Variants in BMP6 observed in about 807,000 individuals in gnomAD.
BMP6 encodes bone morphogenetic protein 6.
A neutral mutation model predicts 54.1 loss-of-function variants in BMP6; 17 were observed. The ratio of observed to expected loss-of-function variants is 0.31; its 90% CI spans 0.22 to 0.47. The LOEUF (loss-of-function observed/expected upper bound fraction) is 0.47, where lower values mean the gene tolerates loss of function less well. BMP6 is among the 20% of genes least tolerant of loss of function. The probability of loss-of-function intolerance (pLI) is 1.00; values close to 1 mark genes in which losing one functional copy is unlikely to be tolerated. For missense variants in BMP6, 720 were observed against 690.4 expected (o/e 1.04, Z -0.48); for synonymous variants, 328 against 291.2 (o/e 1.13, Z -1.28).
chr6:7,826,610 A>G (rs1021262991), intron 1 of BMP6, among the ~76,000 whole-genome samples: 4 of 152,220 alleles, frequency 2.6e-5, no homozygotes, highest in Non-Finnish European at 4.4e-5. Context: ...TGGGAAAGAC[A>G]CTAATAGTCA....
At chr6:7,870,926 G>T (rs995892398) in intron 4 of BMP6, among the ~76,000 whole-genome samples, 1 of 152,210 alleles carries the variant, frequency 6.6e-6, no homozygotes, top group Non-Finnish European at 1.5e-5. Flanking sequence ...ACCGCGCCCG[G>T]CCTGTCTTGG....
At position 7,862,387 on chromosome 6, in the gene BMP6, G is replaced by T. The variant is rs1409814434; in HGVS notation, c.1093G>T (p.Val365Leu). ...GCCCTTCATGGTGGCTTTCTTCAAA[G>T]TGAGTGAGGTGCACGTGCGCACCAC... ...KQPFMVAFFK[V>L]SEVHVRTTRS... The change falls in exon 4 of 7, where the codon GTG becomes TTG. Residue 365 changes from valine to leucine, a missense_variant. Around this residue, in one of 3 missense-constraint regions of BMP6, gnomAD observed 650 missense variants for 556.3 expected, o/e 1.17. Coordinates refer to ENST00000283147, the MANE Select transcript of BMP6 (RefSeq NM_001718.6). 1 of 1,614,084 alleles carries T rather than the reference G, an allele frequency of 6.2e-7. No individual in the cohort carries two copies. Among genetic ancestry groups the T allele is most frequent in the Admixed American group, 1.7e-5 (1 of 60,004 alleles).
intron 2 of BMP6, among the ~76,000 whole-genome samples, chr6:7,850,174 G>A (rs181062911): frequency 5.9e-5 from 9 of 152,070 alleles, no homozygotes; most frequent in African/African-American, 1.9e-4. Flanking sequence ...GCAGAGTCTC[G>A]CTCTGTTGCC....
chr6:7,753,954 A>G (rs1011722108), intron 1 of BMP6, among the ~76,000 whole-genome samples: 3 of 152,190 alleles, frequency 2.0e-5, no homozygotes, highest in Admixed American at 6.5e-5. Flanking sequence ...TATGATATCA[A>G]TCATTTTTAA....
At chr6:7,755,882 T>C (rs1040162464) in intron 1 of BMP6, among the ~76,000 whole-genome samples, 2 of 152,168 alleles carry the variant, frequency 1.3e-5, no homozygotes, top group Non-Finnish European at 2.9e-5. Context: ...ACTTCTACCC[T>C]GGATGGCCTG....
chr6:7,813,437 A>G (rs1004909069), intron 1 of BMP6, among the ~76,000 whole-genome samples: 25 of 126,656 alleles, frequency 2.0e-4, no homozygotes, highest in Non-Finnish European at 3.1e-4. Context: ...CCTGGGCAAC[A>G]TAGTGAGATC....
At chr6:7,801,209 G>A (rs926705401) in intron 1 of BMP6, among the ~76,000 whole-genome samples, 1 of 152,082 alleles carries the variant, frequency 6.6e-6, no homozygotes, top group Non-Finnish European at 1.5e-5. Flanking sequence ...AACTTGAACC[G>A]AATCCTCTTA....
chr6:7,880,172 C>T (rs1759691416), intron 6 of BMP6, 22 bp from the exon 7 acceptor site: 2 of 1,614,126 alleles, frequency 1.2e-6, no homozygotes, highest in East Asian at 2.2e-5. Context: ...AAGGTACCTT[C>T]TCCCCTTCTG....
At chr6:7,797,093 T>G (rs942881604) in intron 1 of BMP6, among the ~76,000 whole-genome samples, 5 of 152,262 alleles carry the variant, frequency 3.3e-5, no homozygotes, top group African/African-American at 1.2e-4. Context: ...GTAATATGTT[T>G]CAATGTAGAC....
Position 7,833,742 on chromosome 6 carries a change from A to C in BMP6, c.665-11398A>C, listed in dbSNP as rs375086971. 1.2e-3 allele frequency among the ~76,000 whole-genome samples: 176 copies of C among 152,258 alleles called. 1 individual carries two copies. Among genetic ancestry groups the C allele is most frequent in the Non-Finnish European group, 2.1e-3 (144 of 68,050 alleles). On this transcript the variant is annotated intron_variant, in intron 1 of 6. Transcript: ENST00000283147. ...AAATTCAGATGGGATTACGTGCATG[A>C]AAATGCTTTGTAAACTCTTCAGACA... is the stretch of plus-strand genomic sequence containing the variant.
intron 1 of BMP6, among the ~76,000 whole-genome samples, chr6:7,745,079 G>A (rs1048846164): frequency 5.3e-5 from 8 of 152,188 alleles, no homozygotes; most frequent in Non-Finnish European, 1.0e-4. Flanking sequence ...CAATAGGATC[G>A]TATTGGCCAT....
At chr6:7,872,734 G>T (rs1759547953) in intron 4 of BMP6, among the ~76,000 whole-genome samples, 1 of 152,054 alleles carries the variant, frequency 6.6e-6, no homozygotes, top group South Asian at 2.1e-4. Flanking sequence ...GACATGAAGT[G>T]GTGGTCTCTG....
chr6:7,775,971 C>T (rs1337671522), intron 1 of BMP6, among the ~76,000 whole-genome samples: 1 of 152,194 alleles, frequency 6.6e-6, no homozygotes, highest in Non-Finnish European at 1.5e-5. Flanking sequence ...AGCACTTCCT[C>T]TACGTCCATA....
intron 4 of BMP6, among the ~76,000 whole-genome samples, chr6:7,866,798 G>A (rs1009798319): frequency 6.6e-6 from 1 of 152,206 alleles, no homozygotes; most frequent in Admixed American, 6.5e-5. Flanking sequence ...CTATGACCCA[G>A]CAGCCTCTTG....
Position 7,727,459 on chromosome 6 carries a change from G to A in BMP6, c.504G>A (p.Ser168=), listed in dbSNP as rs755443053. Residue 168 remains serine (S), a synonymous_variant, in exon 1 of 7, where the codon TCG becomes TCA. Transcript: ENST00000283147. ...CCTGGCCCCACGAAGCAGCCAGCTC[G>A]TCCCAGCGTCGGCAGCCGCCCCCGG... ...QQSWPHEAAS[S]SQRRQPPPGA... 6.3e-7 allele frequency: 1 copy of A among 1,598,568 alleles called. No individual in the cohort carries two copies. The highest frequency in any genetic ancestry group is 2.2e-5 in the East Asian group (1 of 44,530).
chr6:7,799,613 A>G (rs888366742), intron 1 of BMP6, among the ~76,000 whole-genome samples: 1 of 152,108 alleles, frequency 6.6e-6, no homozygotes, highest in African/African-American at 2.4e-5. Context: ...ACCTACAGCA[A>G]CTGGTAATGA....
At chr6:7,731,269 C>T (rs1200790980) in intron 1 of BMP6, among the ~76,000 whole-genome samples, 1 of 152,162 alleles carries the variant, frequency 6.6e-6, no homozygotes, top group East Asian at 1.9e-4. Flanking sequence ...AATGTCTTGG[C>T]AGCCTAGTCA....
At chr6:7,825,421 A>G (rs2113229015) in intron 1 of BMP6, among the ~76,000 whole-genome samples, 1 of 152,302 alleles carries the variant, frequency 6.6e-6, no homozygotes, top group South Asian at 2.1e-4. Context: ...GAGAACTTAT[A>G]AAACTTTAGT....
At position 7,771,241 on chromosome 6, in the gene BMP6, G is replaced by T. The variant is rs74589532; in HGVS notation, c.664+43622G>T. On this transcript the variant is annotated intron_variant, in intron 1 of 6. Transcript: ENST00000283147. ...TGATAAACGTTAATTACTGTTACTGGAATCCAGATGTCAGCTGGGCTTGTC... is the reference window on the plus strand; with the variant it reads ...TGATAAACGTTAATTACTGTTACTGTAATCCAGATGTCAGCTGGGCTTGTC... Among the ~76,000 whole-genome samples, 770 of 152,254 alleles carry T rather than the reference G, an allele frequency of 5.1e-3. 11 individuals carry two copies. Among genetic ancestry groups the T allele is most frequent in the African/African-American group, 0.017 (720 of 41,540 alleles).
Sources: allele counts gnomAD v4.1 joint callset (sites outside exome capture counted in the v4.1 genomes callset), GRCh38; gene constraint gnomAD v4.1.1; regional missense constraint gnomAD v4.1.1; transcripts MANE v1.5; gene names NCBI Gene and HGNC (gene_info 2026-07-23, HGNC 2026-07-21).